NOTCH2NLB: variants seen among roughly 807,000 people sequenced by gnomAD.
The protein encoded by NOTCH2NLB is notch homolog 2 N-terminal-like protein B.
A neutral mutation model predicts 14.8 loss-of-function variants in NOTCH2NLB; 1 was observed. The observed-to-expected ratio is 0.07, with a 90% confidence interval of 0.02 to 0.32. NOTCH2NLB has a LOEUF of 0.32. Among genes scored for constraint, NOTCH2NLB ranks in the 10% least tolerant of loss-of-function variants. The pLI is 1.00. For synonymous variants in NOTCH2NLB, 6 were observed against 57.5 expected (o/e 0.10, Z 4.05); for missense variants, 11 against 155.0 (o/e 0.07, Z 4.93).
intron 2 of NOTCH2NLB, among the ~76,000 whole-genome samples, chr1:148,638,332 A>C (rs1304437325): frequency 2.0e-5 from 3 of 149,426 alleles, no homozygotes; most frequent in African/African-American, 7.5e-5. Flanking sequence ...CAAAAAATGC[A>C]TAAGACTAAG....
the NOTCH2NLB span, among the ~76,000 whole-genome samples, chr1:148,692,164 C>T: frequency 3.4e-4 from 1 of 2,966 alleles, no homozygotes; most frequent in East Asian, 7.8e-3. Flanking sequence ...TGTGCCACCA[C>T]ACCCAGCTAA....
chr1:148,647,999 C>CT (rs1664407576), intron 1 of NOTCH2NLB, among the ~76,000 whole-genome samples: 2 of 135,970 alleles, frequency 1.5e-5, no homozygotes, highest in African/African-American at 5.4e-5. Context: ...ATATAATCAA[C>CT]GATAACAACT....
At chr1:148,633,512 C>T (rs1664156234) in intron 2 of NOTCH2NLB, among the ~76,000 whole-genome samples, 3 of 59,612 alleles carry the variant, frequency 5.0e-5, no homozygotes, top group Non-Finnish European at 8.5e-5. Flanking sequence ...AAGAAAGCGC[C>T]ACTGCACTCC....
intron 1 of NOTCH2NLB, among the ~76,000 whole-genome samples, chr1:148,649,612 G>A (rs1244468191): frequency 0.072 from 10,432 of 144,324 alleles, 16 homozygotes; most frequent in Middle Eastern, 0.15. Context: ...CTGGGTTCAC[G>A]CCATTCTCCT....
intron 3 of NOTCH2NLB, among the ~76,000 whole-genome samples, chr1:148,615,085 A>C (rs1663772095): frequency 1.5e-5 from 2 of 131,790 alleles, no homozygotes; most frequent in African/African-American, 5.1e-5. Flanking sequence ...CTCTGGTGAC[A>C]GTGTACTTAT....
chr1:148,651,162 A>ATATAT (rs1325402394), intron 1 of NOTCH2NLB, among the ~76,000 whole-genome samples: 82 of 45,928 alleles, frequency 1.8e-3, no homozygotes, highest in Non-Finnish European at 2.6e-3. Context: ...AAAAAAAAAA[A>ATATAT]ATATATATAT....
rs1185385681 is a variant in NOTCH2NLB, at chr1:148,609,090, A to AATTATT, written c.338-1351_338-1346dup. Among the ~76,000 whole-genome samples the AATTATT allele has an allele frequency of 1.0e-3, 138 of 135,686 alleles. 10 individuals carry two copies. Among genetic ancestry groups the AATTATT allele is most frequent in the Non-Finnish European group, 1.5e-3 (98 of 63,306 alleles). The allele number at this position is 135,686 out of a possible 152,430, so 89.0% of individuals were successfully genotyped here. ...AAACTACAGAGATAAGAACTCCTTGAATTATTATTATTATTATTATTATAC... is the reference window on the plus strand; with the variant it reads ...AAACTACAGAGATAAGAACTCCTTGAATTATTATTATTATTATTATTATTATTATAC... On this transcript the variant is annotated intron_variant, in intron 3 of 4. Transcript: ENST00000593495.
the NOTCH2NLB span, among the ~76,000 whole-genome samples, chr1:148,684,987 G>T: frequency 7.7e-4 from 98 of 127,238 alleles, no homozygotes; most frequent in Non-Finnish European, 1.5e-3. Context: ...AGATAAGCAG[G>T]AAAATTCATA....
chr1:148,654,806 A>G lies in NOTCH2NLB; in HGVS notation c.4-14717T>C, dbSNP rs1401559774. Among the ~76,000 whole-genome samples the G allele has an allele frequency of 2.3e-5, 2 of 88,132 alleles. 1 individual carries two copies. The highest frequency in any genetic ancestry group is 5.0e-5 in the Non-Finnish European group (2 of 39,864). The allele number at this position is 88,132 out of a possible 152,430, so 57.8% of individuals were successfully genotyped here. On this transcript the variant is annotated intron_variant, in intron 1 of 4. Transcript: ENST00000593495. ...CTATAATAAATAATATACTCTATAA[A>G]TAAATTATCAAAATTCAGGGTATTT...
intron 2 of NOTCH2NLB, among the ~76,000 whole-genome samples, chr1:148,626,520 TACACAC>T (rs1201724360): frequency 1.4e-5 from 1 of 71,498 alleles, no homozygotes; most frequent in Non-Finnish European, 2.5e-5. Flanking sequence ...CTCACACACG[TACACAC>T]ACACATACAC....
At chr1:148,615,170 T>G (rs1468389649) in intron 3 of NOTCH2NLB, among the ~76,000 whole-genome samples, 4 of 141,020 alleles carry the variant, frequency 2.8e-5, no homozygotes, top group Admixed American at 7.0e-5. Flanking sequence ...GGTCTCACTC[T>G]GTCACCCAGG....
chr1:148,708,319 G>A, the NOTCH2NLB span, among the ~76,000 whole-genome samples: 1 of 6,744 alleles, frequency 1.5e-4, no homozygotes, highest in East Asian at 5.0e-3. Flanking sequence ...TCTTGCCTGA[G>A]AGAACAGGGT....
At chr1:148,608,182 T>C (rs1663565869) in intron 3 of NOTCH2NLB, among the ~76,000 whole-genome samples, 1 of 133,870 alleles carries the variant, frequency 7.5e-6, no homozygotes, top group East Asian at 2.0e-4. Flanking sequence ...AGGTAAGGAG[T>C]TCAAGACCAG....
downstream of NOTCH2NLB, among the ~76,000 whole-genome samples, chr1:148,606,410 TTC>T (rs1663508787): frequency 8.0e-6 from 1 of 125,348 alleles, no homozygotes; most frequent in East Asian, 2.4e-4. Context: ...CTAGAACAAC[TTC>T]TTTTTGAGGC....
chr1:148,670,650 A>T (rs1459481036), intron 1 of NOTCH2NLB, among the ~76,000 whole-genome samples: 1 of 126,904 alleles, frequency 7.9e-6, no homozygotes, highest in Non-Finnish European at 1.7e-5. Context: ...TAATGGCAGC[A>T]TGATTGTGGA....
chr1:148,605,032 T>A (rs1663467762), downstream of NOTCH2NLB, among the ~76,000 whole-genome samples: 1 of 142,858 alleles, frequency 7.0e-6, no homozygotes, highest in African/African-American at 2.6e-5. Flanking sequence ...ATTAGGAGTG[T>A]CTTGGTTTTC....
At chr1:148,651,144 GAAAAA>G (rs1159790526) in intron 1 of NOTCH2NLB, among the ~76,000 whole-genome samples, 35 of 76,472 alleles carry the variant, frequency 4.6e-4, no homozygotes, top group East Asian at 3.1e-3. Flanking sequence ...CTCTGCCTGA[GAAAAA>G]AAAAAAAAAA....
intron 2 of NOTCH2NLB, among the ~76,000 whole-genome samples, chr1:148,637,303 AGAG>A (rs1254514601): frequency 2.2e-5 from 3 of 138,466 alleles, no homozygotes; most frequent in Non-Finnish European, 4.7e-5. Flanking sequence ...CCTTGGTTGG[AGAG>A]TATGAGACTA....
intron 1 of NOTCH2NLB, among the ~76,000 whole-genome samples, chr1:148,651,144 G>GAAAAAAAAAAAAAA (rs1159790526): frequency 1.3e-5 from 1 of 76,510 alleles, no homozygotes; most frequent in Admixed American, 1.6e-4. Flanking sequence ...CTCTGCCTGA[G>GAAAAAAAAAAAAAA]AAAAAAAAAA....
Sources: gnomAD v4.1 joint callset for allele counts (sites outside exome capture counted in the v4.1 genomes callset) on GRCh38, gnomAD v4.1.1 for gene constraint, MANE v1.5 for transcripts, NCBI Gene and HGNC (gene_info 2026-07-23, HGNC 2026-07-21) for gene names.